FAT3: variants seen among roughly 807,000 people sequenced by gnomAD.
FAT3 encodes the protein protocadherin Fat 3.
In FAT3, 95 loss-of-function variants were observed where a neutral mutation model predicts 310.2. The observed-to-expected ratio is 0.31, with a 90% CI of 0.26 to 0.36. FAT3 has a LOEUF of 0.36. FAT3 is among the 10% of genes least tolerant of loss of function. The pLI is 1.00. For missense variants in FAT3, 5,408 were observed against 5,715.6 expected (o/e 0.95, Z 1.74); for synonymous variants, 2,314 against 2,192.9 (o/e 1.06, Z -1.54).
At chr11:92,556,606 C>T (rs1309760363) in intron 3 of FAT3, among the ~76,000 whole-genome samples, 1 of 152,172 alleles carries the variant, frequency 6.6e-6, no homozygotes, top group Non-Finnish European at 1.5e-5. Context: ...TGAGGCCCTA[C>T]ACTGAGCGCG....
chr11:92,614,291 G>A (rs934360277), intron 3 of FAT3, among the ~76,000 whole-genome samples: 1 of 152,126 alleles, frequency 6.6e-6, no homozygotes, highest in Admixed American at 6.5e-5. Context: ...AGGTCATATA[G>A]TTATACTATA....
At position 92,322,333 on chromosome 11, in the gene FAT3, G is replaced by C. The variant is rs1947643779; in HGVS notation, c.-17-29763G>C. ...TTATTGCTAAAAAAAAATGCTAAGG[G>C]TCATCTGAGCCTTCAGTGAGTCACA... On this transcript the variant is annotated intron_variant, in intron 1 of 27. Coordinates refer to ENST00000525166, the MANE Select transcript of FAT3 (RefSeq NM_001367949.2). Among the ~76,000 whole-genome samples the C allele has an allele frequency of 1.3e-5, 2 of 152,078 alleles. 1 individual carries two copies. Among genetic ancestry groups the C allele is most frequent in the South Asian group, 4.1e-4 (2 of 4,820 alleles).
chr11:92,872,767 T>G (rs1485551385), intron 22 of FAT3, among the ~76,000 whole-genome samples: 2 of 152,232 alleles, frequency 1.3e-5, no homozygotes, highest in Non-Finnish European at 2.9e-5. Context: ...GGAAAAAGTC[T>G]CACCTTCAAA....
chr11:92,608,252 A>C (rs1940396058), intron 3 of FAT3, among the ~76,000 whole-genome samples: 1 of 152,084 alleles, frequency 6.6e-6, no homozygotes, highest in African/African-American at 2.4e-5. Context: ...TTTTATTTCC[A>C]TTTCTAGTGA....
chr11:92,667,123 G>A (rs1441152284), intron 3 of FAT3, among the ~76,000 whole-genome samples: 1 of 152,144 alleles, frequency 6.6e-6, no homozygotes, highest in Admixed American at 6.5e-5. Flanking sequence ...AGATGAAGGA[G>A]TGATGCCTAA....
rs1244728072 is a variant in FAT3, at chr11:92,762,406, AG to A, written c.3984+238del. The stretch of plus-strand genomic sequence containing the variant: ...CCTGTCAGCATTTTCCCCCATTCCC[AG>A]GCCACAGCCTGTTTCACCACATACT... On this transcript the variant is annotated intron_variant, in intron 5 of 27. Coordinates refer to ENST00000525166, the MANE Select transcript of FAT3 (RefSeq NM_001367949.2). Among the ~76,000 whole-genome samples, 14 of 152,246 alleles carry A rather than the reference AG, an allele frequency of 9.2e-5. No homozygotes were observed. The East Asian group carries it at 2.7e-3, about 30-fold the overall frequency.
Position 92,844,669 on chromosome 11 carries a change from A to T in FAT3, c.11302A>T (p.Ser3768Cys). Reference sequence around the variant, plus strand: ...CGATTCCCACGCGCTCATGACCTACAGCACGGCTCGCATCAGCTTTGTGTG... The same window carrying T: ...CGATTCCCACGCGCTCATGACCTACTGCACGGCTCGCATCAGCTTTGTGTG... Reference protein sequence around the residue: ...SLDSHALMTYSTARISFVCPR... With the variant: ...SLDSHALMTYCTARISFVCPR... Residue 3768 changes from serine to cysteine, a missense_variant, in exon 19 of 28, where the codon AGC becomes TGC. Physicochemically the swap from Ser to Cys is moderately radical, Grantham distance 112 (BLOSUM62 -1). Coordinates refer to ENST00000525166, the MANE Select transcript of FAT3 (RefSeq NM_001367949.2). The T allele has an allele frequency of 1.2e-6, 2 of 1,600,296 alleles. No individual in the cohort carries two copies. Among genetic ancestry groups the T allele is most frequent in the Non-Finnish European group, 1.7e-6 (2 of 1,171,786 alleles).
intron 1 of FAT3, among the ~76,000 whole-genome samples, chr11:92,257,779 G>A (rs990968763): frequency 1.3e-5 from 2 of 152,102 alleles, no homozygotes; most frequent in Admixed American, 6.6e-5. Context: ...TGTTTTGGGT[G>A]CAGTTAGAAC....
chr11:92,773,964 C>T, intron 6 of FAT3, 77 bp from the exon 7 acceptor site: 1 of 1,527,480 alleles, frequency 6.5e-7, no homozygotes, highest in Non-Finnish European at 8.8e-7. Context: ...TATAAGAGCT[C>T]CCTTTAAAGA....
chr11:92,366,414 G>A, intron 2 of FAT3: 1 of 325,186 alleles, frequency 3.1e-6, no homozygotes, highest in Non-Finnish European at 6.1e-6. Context: ...TGGTCAGTGT[G>A]ACATGTCCAG....
At chr11:92,669,603 A>G (rs1356279472) in intron 3 of FAT3, among the ~76,000 whole-genome samples, 1 of 152,192 alleles carries the variant, frequency 6.6e-6, no homozygotes, top group East Asian at 1.9e-4. Flanking sequence ...TTCTGACCCC[A>G]TATGAACAAA....
At chr11:92,671,250 G>T (rs1244162211) in intron 3 of FAT3, among the ~76,000 whole-genome samples, 1 of 151,998 alleles carries the variant, frequency 6.6e-6, no homozygotes, top group Non-Finnish European at 1.5e-5. Flanking sequence ...TCGTCATGTT[G>T]GTCAGGCTGG....
At chr11:92,678,416 C>G (rs1943359400) in intron 3 of FAT3, among the ~76,000 whole-genome samples, 1 of 152,096 alleles carries the variant, frequency 6.6e-6, no homozygotes, top group Non-Finnish European at 1.5e-5. Context: ...GCCTTAGGCT[C>G]TTTACCTCCA....
intron 3 of FAT3, among the ~76,000 whole-genome samples, chr11:92,586,394 G>A (rs937354494): frequency 2.0e-5 from 3 of 151,900 alleles, no homozygotes; most frequent in African/African-American, 7.2e-5. Context: ...TTTCCTGATT[G>A]AAGAAAACTA....
intron 3 of FAT3, among the ~76,000 whole-genome samples, chr11:92,681,541 G>C (rs1020216074): frequency 6.6e-6 from 1 of 152,170 alleles, no homozygotes; most frequent in African/African-American, 2.4e-5. Flanking sequence ...GAATTTAGTA[G>C]AATGTATTTG....
chr11:92,364,825 A>G (rs1466252213), intron 2 of FAT3, among the ~76,000 whole-genome samples: 2 of 152,322 alleles, frequency 1.3e-5, no homozygotes, highest in South Asian at 2.1e-4. Context: ...TTTGTGATTA[A>G]ATTCACAGAT....
At chr11:92,318,400 G>A (rs143303546) in intron 1 of FAT3, among the ~76,000 whole-genome samples, 20 of 152,250 alleles carry the variant, frequency 1.3e-4, no homozygotes, top group African/African-American at 4.6e-4. Context: ...GGTTAGCAAT[G>A]GCAGTATGTT....
At chr11:92,536,792 A>T (rs1954273468) in intron 3 of FAT3, among the ~76,000 whole-genome samples, 1 of 152,150 alleles carries the variant, frequency 6.6e-6, no homozygotes, top group African/African-American at 2.4e-5. Flanking sequence ...TGATAAGTGG[A>T]CTGTGATGGG....
chr11:92,329,850 G>C (rs555106269), intron 1 of FAT3, among the ~76,000 whole-genome samples: 40 of 59,668 alleles, frequency 6.7e-4, no homozygotes, highest in African/African-American at 2.4e-3. Context: ...CAGAAACCTT[G>C]ACAGTTTCTG....
Sources: gnomAD v4.1 joint callset for allele counts (sites outside exome capture counted in the v4.1 genomes callset) on GRCh38, gnomAD v4.1.1 for gene constraint, MANE v1.5 for transcripts, NCBI Gene and HGNC (gene_info 2026-07-23, HGNC 2026-07-21) for gene names.